The following FGD4 variants were observed in gnomAD, a reference collection of about 807,000 sequenced individuals.
FGD4 encodes the protein FYVE, RhoGEF and PH domain containing 4.
Under a neutral mutation model 102.0 loss-of-function variants are expected in FGD4, and 42 were observed. The ratio of observed to expected loss-of-function variants is 0.41; its 90% confidence interval spans 0.32 to 0.53. The LOEUF (loss-of-function observed/expected upper bound fraction) is 0.53. Among genes scored for constraint, FGD4 ranks in the 20% least tolerant of loss-of-function variants. The pLI is 0.21. For missense variants in FGD4, 902 were observed against 1,078.2 expected (o/e 0.84, Z 2.29); for synonymous variants, 380 against 375.7 (o/e 1.01, Z -0.13).
chr12:32,597,102 A>G (rs1947967487), intron 4 of FGD4, among the ~76,000 whole-genome samples: 1 of 152,218 alleles, frequency 6.6e-6, no homozygotes, highest in South Asian at 2.1e-4. Flanking sequence ...ATTTGGAAAT[A>G]CTGTTTCTTT....
intron 1 of FGD4, among the ~76,000 whole-genome samples, chr12:32,446,313 A>G (rs1942613637): frequency 6.6e-6 from 1 of 151,850 alleles, no homozygotes; most frequent in Non-Finnish European, 1.5e-5. Context: ...CTAGGGTCTG[A>G]GTGTTTGTGT....
intron 14 of FGD4, among the ~76,000 whole-genome samples, chr12:32,628,359 A>G (rs1220178082): frequency 6.6e-6 from 1 of 151,984 alleles, no homozygotes; most frequent in Admixed American, 6.6e-5. Flanking sequence ...CAGAGGTGAC[A>G]GAAGGTGAAG....
chr12:32,462,453 G>T (rs118082664), intron 1 of FGD4, among the ~76,000 whole-genome samples: 1 of 152,092 alleles, frequency 6.6e-6, no homozygotes, highest in African/African-American at 2.4e-5. Context: ...GAGCCACTGC[G>T]CCCAGCCGAC....
chr12:32,429,968 CAA>C (rs368360643), intron 1 of FGD4, among the ~76,000 whole-genome samples: 11 of 125,872 alleles, frequency 8.7e-5, no homozygotes, highest in African/African-American at 8.8e-5. Flanking sequence ...TTAATGAGGC[CAA>C]AAAAAAAAAA....
chr12:32,525,687 G>A (rs1318871278), intron 1 of FGD4, among the ~76,000 whole-genome samples: 11 of 152,222 alleles, frequency 7.2e-5, no homozygotes, highest in Admixed American at 3.9e-4. Context: ...AGGCACGAGC[G>A]GGAACCGGGG....
At chr12:32,481,478 G>T (rs1423816219) in intron 1 of FGD4, among the ~76,000 whole-genome samples, 1 of 152,108 alleles carries the variant, frequency 6.6e-6, no homozygotes, top group Non-Finnish European at 1.5e-5. Context: ...AATGCTAAAA[G>T]ATATATCCAG....
In FGD4 at chr12:32,399,720, C is replaced by T; in HGVS notation, c.-74C>T. 6.7e-7 allele frequency: 1 copy of T among 1,494,700 alleles called. No individual in the cohort carries two copies. Among genetic ancestry groups the T allele is most frequent in the South Asian group, 1.3e-5 (1 of 78,350 alleles). 92.6% of individuals were successfully genotyped at this position (1,494,700 alleles called of 1,614,324 possible). Reference sequence around the variant, plus strand: ...GTCGCGCCGAACCTGGGCATGCAGGCGACGCCCCCCAGGGGCCGCTCGCGG... The same window carrying T: ...GTCGCGCCGAACCTGGGCATGCAGGTGACGCCCCCCAGGGGCCGCTCGCGG... On this transcript the variant is annotated 5_prime_UTR_variant, in exon 1 of 17. Transcript: ENST00000534526.
intron 4 of FGD4, among the ~76,000 whole-genome samples, chr12:32,596,647 T>C (rs1947915577): frequency 1.3e-5 from 2 of 151,832 alleles, no homozygotes; most frequent in Non-Finnish European, 2.9e-5. Flanking sequence ...GAGAAGTACA[T>C]GGAAGGGGCT....
chr12:32,400,261 A>G (rs1286044314), intron 1 of FGD4, among the ~76,000 whole-genome samples: 3 of 152,224 alleles, frequency 2.0e-5, no homozygotes, highest in Non-Finnish European at 4.4e-5. Context: ...GGATTTGAAA[A>G]GACCAGTTTT....
At chr12:32,545,160 C>T (rs1943132967) in intron 1 of FGD4, among the ~76,000 whole-genome samples, 1 of 152,152 alleles carries the variant, frequency 6.6e-6, no homozygotes, top group Non-Finnish European at 1.5e-5. Flanking sequence ...AATAGGAAAG[C>T]AACTGACACA....
intron 14 of FGD4, among the ~76,000 whole-genome samples, chr12:32,630,927 G>A (rs756741426): frequency 1.3e-4 from 19 of 151,592 alleles, no homozygotes; most frequent in Non-Finnish European, 2.2e-4. Context: ...GCTGTGAGCC[G>A]AGATCACACC....
chr12:32,560,375 CTA>C (rs1944441087), intron 1 of FGD4, among the ~76,000 whole-genome samples: 1 of 152,120 alleles, frequency 6.6e-6, no homozygotes, highest in Non-Finnish European at 1.5e-5. Context: ...CCTCGGCCTT[CTA>C]AGTAGCTGGG....
At chr12:32,500,543 C>T (rs977163224) in intron 1 of FGD4, among the ~76,000 whole-genome samples, 9 of 152,044 alleles carry the variant, frequency 5.9e-5, no homozygotes, top group African/African-American at 1.4e-4. Context: ...AAGAGATTCT[C>T]CTGCCTCAGC....
intron 14 of FGD4, among the ~76,000 whole-genome samples, 183 bp from the exon 15 acceptor site, chr12:32,633,366 T>C (rs1950601784): frequency 1.3e-5 from 2 of 152,200 alleles, no homozygotes; most frequent in African/African-American, 4.8e-5. Context: ...TGAGCAGAGC[T>C]GGTCACAAAC....
In FGD4 at chr12:32,416,465, A is replaced by C. The variant is rs564077379; in HGVS notation, c.166+16506A>C. Among the ~76,000 whole-genome samples the C allele has an allele frequency of 5.3e-5, 8 of 152,116 alleles. No homozygotes were observed. In the South Asian group the frequency reaches 1.0e-3, roughly 20 times the overall value. On this transcript the variant is annotated intron_variant, in intron 1 of 16. Coordinates refer to ENST00000534526, the MANE Select transcript of FGD4 (RefSeq NM_001370298.3). Reference sequence around the variant, plus strand: ...CCTTTTAGTGAAGATGATTTTCTCCAATGTTACGCTTTAATTTCTTTTTAT... The same window carrying C: ...CCTTTTAGTGAAGATGATTTTCTCCCATGTTACGCTTTAATTTCTTTTTAT...
At chr12:32,424,459 C>T (rs967230383) in intron 1 of FGD4, among the ~76,000 whole-genome samples, 1 of 152,118 alleles carries the variant, frequency 6.6e-6, no homozygotes, top group African/African-American at 2.4e-5. Flanking sequence ...TTTTCTTTAT[C>T]CAGTCTATCA....
rs138272887 is a variant in FGD4, at chr12:32,542,078, G to T, written c.167-22059G>T. 7.3e-3 allele frequency among the ~76,000 whole-genome samples: 1,114 copies of T among 152,230 alleles called. 10 individuals carry two copies. The highest frequency in any genetic ancestry group is 0.023 in the South Asian group (112 of 4,818). On this transcript the variant is annotated intron_variant, in intron 1 of 16. Coordinates refer to ENST00000534526, the MANE Select transcript of FGD4 (RefSeq NM_001370298.3). The stretch of plus-strand genomic sequence containing the variant: ...GTGCATTTAAAGTAGCAGCTTTTGG[G>T]TGACTGGCTGGTCCTGAGGAGTTTT...
At chr12:32,609,908 G>A (rs182040394) in intron 8 of FGD4, among the ~76,000 whole-genome samples, 7 of 152,196 alleles carry the variant, frequency 4.6e-5, no homozygotes, top group Admixed American at 1.3e-4. Context: ...AAGAGGTCTC[G>A]GCATCCACAG....
Position 32,576,439 on chromosome 12 carries a change from G to C in FGD4, c.493G>C (p.Glu165Gln). 3.1e-6 allele frequency: 5 copies of C among 1,614,128 alleles called. No individual in the cohort carries two copies. Among genetic ancestry groups the C allele is most frequent in the Non-Finnish European group, 4.2e-6 (5 of 1,180,008 alleles). ...SKVSDLISRF[E>Q]GGSSLSNYSD... Reference sequence around the variant, plus strand: ...GGTATCAGATCTCATCAGTCGCTTTGAAGGAGGCAGGTAAGAGCTAATTTA... The same window carrying C: ...GGTATCAGATCTCATCAGTCGCTTTCAAGGAGGCAGGTAAGAGCTAATTTA... Residue 165 changes from glutamate to glutamine, a missense_variant, in exon 3 of 17, where the codon GAA becomes CAA. By Grantham distance (29) the Glu-to-Gln change is conservative. Around this residue, in one of 2 missense-constraint regions of FGD4, gnomAD observed 443 missense variants for 459.2 expected, o/e 0.96. Transcript: ENST00000534526.
Sources: allele counts gnomAD v4.1 joint callset (sites outside exome capture counted in the v4.1 genomes callset), GRCh38; gene constraint gnomAD v4.1.1; regional missense constraint gnomAD v4.1.1; transcripts MANE v1.5; gene names NCBI Gene and HGNC (gene_info 2026-07-23, HGNC 2026-07-21).